HEATR5B: variants seen among roughly 807,000 people sequenced by gnomAD.
HEATR5B encodes HEAT repeat containing 5B.
Under a neutral mutation model 224.1 loss-of-function variants are expected in HEATR5B, and 156 were observed. The ratio of observed to expected loss-of-function variants is 0.70; its 90% CI spans 0.61 to 0.80. The LOEUF (loss-of-function observed/expected upper bound fraction) is 0.80, where lower values mean the gene tolerates loss of function less well. HEATR5B is among the 30% of genes least tolerant of loss of function. The pLI, the probability that HEATR5B is intolerant of heterozygous loss-of-function variation, is 0.00. For missense variants in HEATR5B, 2,323 were observed against 2,535.5 expected, an observed-to-expected ratio of 0.92 and a Z score of 1.80; for synonymous variants, 1,027 against 893.0, an observed-to-expected ratio of 1.15 and a Z score of -2.68.
At chr2:37,060,798 CAAAATG>C in intron 11 of HEATR5B, 65 bp from the exon 12 acceptor site, 1 of 1,340,702 alleles carries the variant, frequency 7.5e-7, no homozygotes, top group Non-Finnish European at 1.0e-6. Context: ...AAGTGTCAAG[CAAAATG>C]AGCCCAACAC....
At chr2:37,019,776 G>C (rs772991486) in intron 26 of HEATR5B, 33 bp downstream of exon 26, 2 of 1,415,898 alleles carry the variant, frequency 1.4e-6, no homozygotes, top group South Asian at 2.3e-5. Flanking sequence ...ATGTATAGAA[G>C]ACAACTATAC....
chr2:36,992,900 A>T (rs548193488), intron 33 of HEATR5B, among the ~76,000 whole-genome samples: 5 of 151,896 alleles, frequency 3.3e-5, no homozygotes, highest in Non-Finnish European at 7.4e-5. Context: ...GAATTTAAAA[A>T]TTTTTTATAG....
At chr2:37,075,186 C>G (rs1198717639) in intron 5 of HEATR5B, among the ~76,000 whole-genome samples, 1 of 151,918 alleles carries the variant, frequency 6.6e-6, no homozygotes, top group Non-Finnish European at 1.5e-5. Flanking sequence ...GGTGAGTGAA[C>G]AAATCAATGT....
Position 37,019,804 on chromosome 2 carries a change from C to G in HEATR5B, c.4104+5G>C, listed in dbSNP as rs202223964. The G allele has an allele frequency of 2.5e-6, 4 of 1,595,882 alleles. No homozygotes were observed. In the African/African-American group the frequency reaches 5.4e-5, roughly 21 times the overall value. On this transcript the variant is annotated splice_donor_5th_base_variant and intron_variant, in intron 26 of 35. Transcript: ENST00000233099. ...AACTATACAAAGTCCCATTTTTCTT[C>G]TTACCTGGCAAGCTTTCGCTATTAT...
chr2:37,001,867 A>G (rs977249842), intron 32 of HEATR5B, among the ~76,000 whole-genome samples: 1 of 152,122 alleles, frequency 6.6e-6, no homozygotes, highest in African/African-American at 2.4e-5. Flanking sequence ...GCATTTCACC[A>G]TGTTGGTCAG....
In HEATR5B at chr2:37,020,739, C is replaced by T. The variant is rs958314315; in HGVS notation, c.3951G>A (p.Ala1317=). Residue 1317 remains alanine (A), a synonymous_variant, in exon 25 of 36, where the codon GCG becomes GCA. Transcript: ENST00000233099. ...SNQLRMAGLQ[A]LEDIIKKFAS... The stretch of plus-strand genomic sequence containing the variant: ...CAAACTTCTTGATAATGTCTTCAAG[C>T]GCCTGGAGCCCAGCCATTCGCAGCT... 10 of 1,609,822 alleles carry T rather than the reference C, an allele frequency of 6.2e-6. No homozygotes were observed. Among genetic ancestry groups the T allele is most frequent in the Middle Eastern group, 1.7e-4 (1 of 6,048 alleles).
rs578027772 is a variant in HEATR5B, at chr2:36,980,897, A to G, written c.*593T>C. On this transcript the variant is annotated 3_prime_UTR_variant, in exon 36 of 36. Transcript: ENST00000233099. ...TATATTACATTTAAACATTTTAGTGAACCTTTAAATGAGAATTTTAATTGT... is the reference window on the plus strand; with the variant it reads ...TATATTACATTTAAACATTTTAGTGGACCTTTAAATGAGAATTTTAATTGT... 4 of 152,314 alleles carry G rather than the reference A, an allele frequency of 2.6e-5. No homozygotes were observed. The highest frequency in any genetic ancestry group is 9.6e-5 in the African/African-American group (4 of 41,566). The allele number at this position is 152,314 out of a possible 1,614,324, so 9.4% of individuals were successfully genotyped here. A position where few individuals can be genotyped will look rare whatever the true frequency, so the allele number is the denominator to read the frequency against.
At chr2:37,004,771 T>C (rs1325102024) in intron 30 of HEATR5B, among the ~76,000 whole-genome samples, 1 of 152,182 alleles carries the variant, frequency 6.6e-6, no homozygotes, top group Non-Finnish European at 1.5e-5. Flanking sequence ...CCACTGTTGA[T>C]TTATTTCCTT....
At chr2:37,082,086 T>TTTTTTTAC (rs371663046) in intron 2 of HEATR5B, among the ~76,000 whole-genome samples, 1 of 55,978 alleles carries the variant, frequency 1.8e-5, no homozygotes, top group Non-Finnish European at 3.4e-5. Flanking sequence ...TTTTTTTTTT[T>TTTTTTTAC]CAGATGGAGT....
intron 20 of HEATR5B, among the ~76,000 whole-genome samples, chr2:37,038,491 G>C (rs1436695784): frequency 6.6e-6 from 1 of 152,122 alleles, no homozygotes; most frequent in African/African-American, 2.4e-5. Context: ...TCACATAAGA[G>C]CTACATTCTA....
intron 24 of HEATR5B, among the ~76,000 whole-genome samples, chr2:37,026,956 G>A (rs536279201): frequency 5.4e-4 from 82 of 152,174 alleles, no homozygotes; most frequent in African/African-American, 1.8e-3. Flanking sequence ...GTGCCAGGAC[G>A]CCCACTAATT....
chr2:37,030,487 T>A (rs372739083), intron 22 of HEATR5B, among the ~76,000 whole-genome samples: 28 of 152,112 alleles, frequency 1.8e-4, no homozygotes, highest in African/African-American at 6.3e-4. Context: ...AAAAGAAAAT[T>A]AATTGGTTAG....
At chr2:37,018,119 C>A (rs1450173104) in intron 26 of HEATR5B, among the ~76,000 whole-genome samples, 1 of 151,788 alleles carries the variant, frequency 6.6e-6, no homozygotes, top group Non-Finnish European at 1.5e-5. Context: ...TGTCAGGAAA[C>A]CAGGTTTCCT....
chr2:37,003,477 A>T, intron 31 of HEATR5B, 65 bp downstream of exon 31: 2 of 1,171,310 alleles, frequency 1.7e-6, no homozygotes, highest in Non-Finnish European at 2.4e-6. Context: ...TCCTGGCGTT[A>T]ATATTTTAAA....
chr2:37,074,758 G>A lies in HEATR5B; in HGVS notation c.597+727C>T, dbSNP rs192529031. Among the ~76,000 whole-genome samples the A allele has an allele frequency of 2.0e-3, 305 of 152,230 alleles. 2 individuals are homozygous for A. The highest frequency in any genetic ancestry group is 5.8e-3 in the African/African-American group (240 of 41,538). On this transcript the variant is annotated intron_variant, in intron 5 of 35. Coordinates refer to ENST00000233099, the MANE Select transcript of HEATR5B (RefSeq NM_019024.3). The stretch of plus-strand genomic sequence containing the variant: ...CAAAAGATTGAGCACATCCTTCTTC[G>A]AAGAAGATATGGATGGCAAATAAGC...
At chr2:37,011,453 G>A (rs775505266) in intron 27 of HEATR5B, among the ~76,000 whole-genome samples, 1 of 152,082 alleles carries the variant, frequency 6.6e-6, no homozygotes, top group Non-Finnish European at 1.5e-5. Context: ...ATTTTTCCTC[G>A]ACTTATAATT....
intron 22 of HEATR5B, among the ~76,000 whole-genome samples, chr2:37,029,378 C>A (rs1286870907): frequency 6.6e-6 from 1 of 152,154 alleles, no homozygotes; most frequent in East Asian, 1.9e-4. Flanking sequence ...TTGGGAAAAT[C>A]CAAGGCTGGG....
intron 30 of HEATR5B, among the ~76,000 whole-genome samples, chr2:37,004,853 C>G (rs1302353884): frequency 6.6e-6 from 1 of 152,126 alleles, no homozygotes; most frequent in Admixed American, 6.6e-5. Flanking sequence ...CTTTATTCAG[C>G]CTTCCTAGGC....
chr2:36,998,410 G>A (rs572198033), intron 33 of HEATR5B, among the ~76,000 whole-genome samples: 1 of 152,322 alleles, frequency 6.6e-6, no homozygotes, highest in East Asian at 1.9e-4. Context: ...ATACTGGTGA[G>A]AATGTGGGAA....
Sources: allele counts gnomAD v4.1 joint callset (sites outside exome capture counted in the v4.1 genomes callset), GRCh38; gene constraint gnomAD v4.1.1; transcripts MANE v1.5; gene names NCBI Gene and HGNC (gene_info 2026-07-23, HGNC 2026-07-21).